Variants in AGTRAP observed in about 807,000 individuals in gnomAD.
The protein encoded by AGTRAP is angiotensin II receptor associated protein.
AGTRAP carries 7 observed loss-of-function variants against 15.2 expected under a neutral mutation model. The ratio of observed to expected loss-of-function variants is 0.46; its 90% CI spans 0.26 to 0.87. The LOEUF (loss-of-function observed/expected upper bound fraction) is 0.87, where lower values mean the gene tolerates loss of function less well. Among genes scored for constraint, AGTRAP ranks in the 40% least tolerant of loss-of-function variants. AGTRAP has a pLI of 0.15. For synonymous variants in AGTRAP, 74 were observed against 89.6 expected, an observed-to-expected ratio of 0.83 and a Z score of 0.98; for missense variants, 187 against 213.4, an observed-to-expected ratio of 0.88 and a Z score of 0.77.
At position 11,750,169 on chromosome 1, in the gene AGTRAP, A is replaced by C; in HGVS notation, c.457A>C (p.Ser153Arg). 6.2e-7 allele frequency: 1 copy of C among 1,613,746 alleles called. No individual in the cohort carries two copies. Among genetic ancestry groups the C allele is most frequent in the Non-Finnish European group, 8.5e-7 (1 of 1,179,942 alleles). ...TCCCTTTGCAGTCCCAGAGGGCAGG[A>C]GTCAAGATGCCCGAGGGTACTGAAG... Reference protein sequence around the residue: ...ADPFAVPEGRSQDARGY With the variant: ...ADPFAVPEGRRQDARGY Residue 153 changes from serine (S) to arginine (R), a missense_variant, in exon 5 of 5, where the codon AGT (serine) becomes CGT (arginine). Physicochemically the swap from Ser to Arg is moderately radical, Grantham distance 110. Transcript: ENST00000314340.
intron 1 of AGTRAP, among the ~76,000 whole-genome samples, chr1:11,738,296 G>A (rs1172089929): frequency 1.3e-5 from 2 of 152,184 alleles, no homozygotes; most frequent in Non-Finnish European, 2.9e-5. Context: ...GTGGTGCCAG[G>A]TGAGAAGAAA....
Position 11,748,598 on chromosome 1 carries a change from C to T in AGTRAP, c.352C>T (p.Leu118=). The part of the protein sequence containing the change: ...HMYRERGGEL[L]VHTGFLGSSQ... ...GTACCGGGAGCGCGGGGGTGAGCTCCTGGTCCACACTGGTGAGGCCACCAC... is the reference window on the plus strand; with the variant it reads ...GTACCGGGAGCGCGGGGGTGAGCTCTTGGTCCACACTGGTGAGGCCACCAC... Residue 118 remains leucine (L), a synonymous_variant, in exon 4 of 5, where the codon CTG becomes TTG. Coordinates refer to ENST00000314340, the MANE Select transcript of AGTRAP (RefSeq NM_020350.5). 1 of 1,606,616 alleles carries T rather than the reference C, an allele frequency of 6.2e-7. No individual in the cohort carries two copies.
At chr1:11,749,881 G>A (rs900357845) in intron 4 of AGTRAP, among the ~76,000 whole-genome samples, 196 bp from the exon 5 acceptor site, 1 of 152,124 alleles carries the variant, frequency 6.6e-6, no homozygotes, top group Non-Finnish European at 1.5e-5. Flanking sequence ...AATACCCGTC[G>A]CACAGGGATA....
rs1642292722 is a variant in AGTRAP, at chr1:11,750,456, C to A, written c.*264C>A. On this transcript the variant is annotated 3_prime_UTR_variant, in exon 5 of 5. Transcript: ENST00000314340. ...CCAGGGTCTCTCTTTACCTCCTACC[C>A]CATGGTGGCACCACAGAGGCCCTCA... The A allele has an allele frequency of 1.7e-6, 1 of 596,924 alleles. No homozygotes were observed. The highest frequency in any genetic ancestry group is 2.0e-5 in the South Asian group (1 of 49,574). 37.0% of individuals were successfully genotyped at this position (596,924 alleles called of 1,614,324 possible). A position where few individuals can be genotyped will look rare whatever the true frequency, so the allele number is the denominator to read the frequency against.
At chr1:11,736,837 C>G (rs1641911185) in intron 1 of AGTRAP, among the ~76,000 whole-genome samples, 1 of 152,150 alleles carries the variant, frequency 6.6e-6, no homozygotes, top group African/African-American at 2.4e-5. Context: ...GCAGGGCTTC[C>G]TGTGGTGTCT....
chr1:11,746,320 G>C lies in AGTRAP; in HGVS notation c.62+483G>C, dbSNP rs1354969192. Reference sequence around the variant, plus strand: ...TCACACTTCCCCAAGATTCTGAGTTGGTGATTCTGGGCTGGGACCCAGGCA... The same window carrying C: ...TCACACTTCCCCAAGATTCTGAGTTCGTGATTCTGGGCTGGGACCCAGGCA... On this transcript the variant is annotated intron_variant, in intron 2 of 4. Transcript: ENST00000314340. The C allele has an allele frequency of 5.3e-6, 6 of 1,125,220 alleles. No individual in the cohort carries two copies. In the African/African-American group the frequency reaches 9.4e-5, roughly 18 times the overall value. The allele number at this position is 1,125,220 out of a possible 1,614,324, so 69.7% of individuals were successfully genotyped here. A position where few individuals can be genotyped will look rare whatever the true frequency, so the allele number is the denominator to read the frequency against.
chr1:11,736,387 C>G, intron 1 of AGTRAP, 152 bp downstream of exon 1: 1 of 1,097,200 alleles, frequency 9.1e-7, no homozygotes, highest in South Asian at 1.5e-5. Flanking sequence ...AGGAGATGGG[C>G]AGGCAGGCCA....
In AGTRAP at chr1:11,745,965, C is replaced by G. The variant is rs772091609; in HGVS notation, c.62+128C>G. 1.0e-5 allele frequency: 14 copies of G among 1,393,010 alleles called. No individual in the cohort carries two copies. Among genetic ancestry groups the G allele is most frequent in the Non-Finnish European group, 1.4e-5 (14 of 980,644 alleles). The allele number at this position is 1,393,010 out of a possible 1,614,324, so 86.3% of individuals were successfully genotyped here. A position where few individuals can be genotyped will look rare whatever the true frequency, so the allele number is the denominator to read the frequency against. ...GCCAGACAGCTCTGCCTCTCCGGGTCTTGATTTCCGTCTGTACAATAGGCA... is the reference window on the plus strand; with the variant it reads ...GCCAGACAGCTCTGCCTCTCCGGGTGTTGATTTCCGTCTGTACAATAGGCA... On this transcript the variant is annotated intron_variant, in intron 2 of 4. Transcript: ENST00000314340. The surrounding 1 kb of genome is among the most constrained non-coding windows in gnomAD (Gnocchi z 4.2).
intron 3 of AGTRAP, 60 bp from the exon 4 acceptor site, chr1:11,748,355 G>T (rs539452054): frequency 1.3e-6 from 2 of 1,554,310 alleles, no homozygotes; most frequent in South Asian, 2.3e-5. Flanking sequence ...CCGGTGTGTG[G>T]CGGGGGAGCC....
chr1:11,749,463 A>C (rs186349783), intron 4 of AGTRAP, among the ~76,000 whole-genome samples: 112 of 152,300 alleles, frequency 7.4e-4, no homozygotes, highest in Non-Finnish European at 1.3e-3. Context: ...CCCATTGGAC[A>C]GATGAGGAAA....
chr1:11,744,447 T>G lies in AGTRAP; in HGVS notation c.28-1356T>G, dbSNP rs560708732. 4.5e-5 allele frequency: 31 copies of G among 682,150 alleles called. No individual in the cohort carries two copies. In the African/African-American group the frequency reaches 4.8e-4, roughly 11 times the overall value. The allele number at this position is 682,150 out of a possible 1,614,324, so 42.3% of individuals were successfully genotyped here. ...AAGCCCACGCTCCTTCCCGAGGCCC[T>G]CAGGCCCCCCTACCTGTCCCCAGCT... On this transcript the variant is annotated intron_variant, in intron 1 of 4. Transcript: ENST00000314340.
intron 4 of AGTRAP, 76 bp from the exon 5 acceptor site, chr1:11,750,001 C>A: frequency 8.2e-7 from 1 of 1,222,780 alleles, no homozygotes; most frequent in Non-Finnish European, 1.2e-6. Context: ...GGGGGTGGAT[C>A]TTGGGTTGGA....
At chr1:11,746,006 C>T (rs760841672) in intron 2 of AGTRAP, 169 bp downstream of exon 2, 3 of 1,322,154 alleles carry the variant, frequency 2.3e-6, no homozygotes, top group Admixed American at 3.5e-5. Flanking sequence ...ATTGCACACC[C>T]TGCAGGAGCT....
At chr1:11,746,330 G>T (rs891247590) in intron 2 of AGTRAP, 2 of 1,045,510 alleles carry the variant, frequency 1.9e-6, no homozygotes, top group Admixed American at 2.7e-5. Flanking sequence ...GGTGATTCTG[G>T]GCTGGGACCC....
At chr1:11,749,958 G>T in intron 4 of AGTRAP, 119 bp from the exon 5 acceptor site, 1 of 704,734 alleles carries the variant, frequency 1.4e-6, no homozygotes, top group Non-Finnish European at 2.5e-6. Context: ...CTGTCTCTGT[G>T]CATGGTGTCA....
chr1:11,736,148 C>A lies in AGTRAP; in HGVS notation c.-61C>A. On this transcript the variant is annotated 5_prime_UTR_variant, in exon 1 of 5. Coordinates refer to ENST00000314340, the MANE Select transcript of AGTRAP (RefSeq NM_020350.5). ...GGCGGGGCCGGGCAAGTTTGTTCCCCGAGTTCGGAGCCTAGGAGCCCCCCG... is the reference window on the plus strand; with the variant it reads ...GGCGGGGCCGGGCAAGTTTGTTCCCAGAGTTCGGAGCCTAGGAGCCCCCCG... 1 of 1,566,504 alleles carries A rather than the reference C, an allele frequency of 6.4e-7. No individual in the cohort carries two copies. The highest frequency in any genetic ancestry group is 1.3e-5 in the African/African-American group (1 of 74,458).
At chr1:11,737,463 G>A (rs1200204176) in intron 1 of AGTRAP, among the ~76,000 whole-genome samples, 1 of 152,168 alleles carries the variant, frequency 6.6e-6, no homozygotes, top group Non-Finnish European at 1.5e-5. Flanking sequence ...GCAGTGGGAG[G>A]GACAGAGCTC....
intron 2 of AGTRAP, among the ~76,000 whole-genome samples, chr1:11,747,078 G>A (rs371116062): frequency 1.3e-5 from 2 of 152,356 alleles, no homozygotes; most frequent in East Asian, 1.9e-4. Context: ...AGGCCCTGGT[G>A]AAGAGTCTGC....
intron 4 of AGTRAP, among the ~76,000 whole-genome samples, 158 bp from the exon 5 acceptor site, chr1:11,749,919 T>G (rs1163206070): frequency 3.3e-5 from 5 of 151,678 alleles, no homozygotes; most frequent in Non-Finnish European, 7.4e-5. Flanking sequence ...TAATACACGC[T>G]AAAGGTTTAG....
Sources: allele counts gnomAD v4.1 joint callset (sites outside exome capture counted in the v4.1 genomes callset), GRCh38; gene constraint gnomAD v4.1.1; non-coding constraint Gnocchi (gnomAD v3.1); transcripts MANE v1.5; gene names NCBI Gene and HGNC (gene_info 2026-07-23, HGNC 2026-07-21).